The following LIPC variants were observed in gnomAD, a reference collection of about 807,000 sequenced individuals.
LIPC encodes the protein lipase C, hepatic type, also known as hepatic triacylglycerol lipase.
LIPC carries 44 observed loss-of-function variants against 50.7 expected under a neutral mutation model. That is an observed-to-expected ratio of 0.87 (90% CI 0.68 to 1.11). The LOEUF is 1.11. LIPC is among the 50% of genes most tolerant of loss of function. The pLI, the probability that LIPC is intolerant of heterozygous loss-of-function variation, is 0.00. For missense variants in LIPC, 697 were observed against 648.2 expected (o/e 1.08, Z -0.82); for synonymous variants, 271 against 256.4 (o/e 1.06, Z -0.54).
intron 6 of LIPC, among the ~76,000 whole-genome samples, chr15:58,552,651 G>A (rs866589210): frequency 6.6e-6 from 1 of 152,348 alleles, no homozygotes; most frequent in Middle Eastern, 3.4e-3. Context: ...TGGTCGGCGA[G>A]ATGACGAGCC....
chr15:58,548,655 C>A, intron 6 of LIPC, 83 bp downstream of exon 6: 2 of 1,509,650 alleles, frequency 1.3e-6, no homozygotes, highest in Non-Finnish European at 1.8e-6. Context: ...TGGCTTCTTT[C>A]CTGGAGGTGC....
chr15:58,525,883 C>G (rs1295214860), intron 1 of LIPC, among the ~76,000 whole-genome samples: 1 of 152,222 alleles, frequency 6.6e-6, no homozygotes, highest in Admixed American at 6.5e-5. Flanking sequence ...CTTCTACTAC[C>G]ACCAATGCCA....
chr15:58,511,763 G>T (rs186891910), intron 1 of LIPC, among the ~76,000 whole-genome samples: 4 of 152,174 alleles, frequency 2.6e-5, no homozygotes, highest in East Asian at 3.9e-4. Flanking sequence ...TCACAGTGTG[G>T]TTTACATTTG....
chr15:58,441,488 G>A (rs1893506779), intron 1 of LIPC, among the ~76,000 whole-genome samples: 1 of 152,146 alleles, frequency 6.6e-6, no homozygotes, highest in Non-Finnish European at 1.5e-5. Flanking sequence ...AAAGAATATT[G>A]GGTAGGAATT....
chr15:58,538,580 GTGTTCA>G, intron 2 of LIPC, 63 bp downstream of exon 2: 1 of 1,502,226 alleles, frequency 6.7e-7, no homozygotes, highest in Non-Finnish European at 9.3e-7. Context: ...TCTTTCTAGC[GTGTTCA>G]TGTTCATAAA....
At chr15:58,562,755 A>G (rs1399893571) in intron 7 of LIPC, among the ~76,000 whole-genome samples, 1 of 151,868 alleles carries the variant, frequency 6.6e-6, no homozygotes, top group African/African-American at 2.4e-5. Context: ...GGATTCCTAA[A>G]CAATTCTTCA....
chr15:58,464,950 G>C (rs1315396023), intron 1 of LIPC, among the ~76,000 whole-genome samples: 3 of 152,154 alleles, frequency 2.0e-5, no homozygotes, highest in Non-Finnish European at 2.9e-5. Context: ...TCCAGCCTGG[G>C]CAACAGAGTG....
chr15:58,494,406 C>T (rs1891695694), intron 1 of LIPC, among the ~76,000 whole-genome samples: 1 of 152,130 alleles, frequency 6.6e-6, no homozygotes, highest in Non-Finnish European at 1.5e-5. Flanking sequence ...GAGGAGGTGC[C>T]CAGATTGCAG....
At chr15:58,515,968 C>T (rs541477169) in intron 1 of LIPC, among the ~76,000 whole-genome samples, 20 of 152,236 alleles carry the variant, frequency 1.3e-4, no homozygotes, top group African/African-American at 3.6e-4. Context: ...CTCATAAGCG[C>T]GAACACGGGG....
At chr15:58,539,492 T>C (rs1451432883) in intron 2 of LIPC, among the ~76,000 whole-genome samples, 1 of 152,144 alleles carries the variant, frequency 6.6e-6, no homozygotes, top group Admixed American at 6.5e-5. Context: ...TGAGAACTTG[T>C]CTCCAAGAGG....
intron 1 of LIPC, among the ~76,000 whole-genome samples, chr15:58,443,908 C>G (rs1310300560): frequency 6.6e-6 from 1 of 152,120 alleles, no homozygotes; most frequent in Non-Finnish European, 1.5e-5. Flanking sequence ...TTGCAAAGAA[C>G]CTTCTTCAGG....
intron 1 of LIPC, among the ~76,000 whole-genome samples, chr15:58,482,078 G>A (rs1297638163): frequency 6.6e-6 from 1 of 152,160 alleles, no homozygotes; most frequent in East Asian, 1.9e-4. Flanking sequence ...TTTTTAGCAA[G>A]TGCATGCATT....
intron 6 of LIPC, among the ~76,000 whole-genome samples, chr15:58,559,269 A>T (rs868712542): frequency 5.9e-5 from 9 of 152,212 alleles, no homozygotes; most frequent in African/African-American, 2.2e-4. Flanking sequence ...GGTGATTTCC[A>T]TGTTGTTAGA....
rs544959249 is a variant in LIPC, at chr15:58,477,249, T to C, written c.88+45129T>C. Reference sequence around the variant, plus strand: ...TGCCTTGATTTTGTCTGCCAAGATATGTCTTTGGATGGGGTAAAGCACTTC... The same window carrying C: ...TGCCTTGATTTTGTCTGCCAAGATACGTCTTTGGATGGGGTAAAGCACTTC... On this transcript the variant is annotated intron_variant, in intron 1 of 8. Transcript: ENST00000299022. 1.2e-4 allele frequency among the ~76,000 whole-genome samples: 18 copies of C among 152,314 alleles called. No individual in the cohort carries two copies. In the South Asian group the frequency reaches 3.3e-3, roughly 28 times the overall value.
chr15:58,447,900 G>A (rs1307546266), intron 1 of LIPC, among the ~76,000 whole-genome samples: 2 of 152,170 alleles, frequency 1.3e-5, no homozygotes, highest in Non-Finnish European at 2.9e-5. Flanking sequence ...TAGCACTGGA[G>A]GAACAAGGAA....
chr15:58,558,659 G>A (rs1291571921), intron 6 of LIPC, among the ~76,000 whole-genome samples: 1 of 7,330 alleles, frequency 1.4e-4, no homozygotes, highest in African/African-American at 2.3e-4. Context: ...CTGATGATCT[G>A]AGGTGGAACA....
intron 1 of LIPC, among the ~76,000 whole-genome samples, chr15:58,502,394 C>T (rs181362952): frequency 2.6e-5 from 4 of 152,182 alleles, no homozygotes; most frequent in South Asian, 4.2e-4. Flanking sequence ...ACCTGGCACA[C>T]GCAGGTGCTA....
chr15:58,538,381 A>G lies in LIPC; in HGVS notation c.137A>G (p.His46Arg), dbSNP rs1276070198. ...GCTGTTGAAACAAACAAAACGCTGC[A>G]TGAGATGAAGACCAGATTCCTGCTC... is the stretch of plus-strand genomic sequence containing the variant. ...AQAVETNKTL[H>R]EMKTRFLLFG... Residue 46 changes from histidine (H) to arginine (R), a missense_variant, in exon 2 of 9, where the codon CAT becomes CGT. Coordinates refer to ENST00000299022, the MANE Select transcript of LIPC (RefSeq NM_000236.3). The G allele has an allele frequency of 9.3e-6, 15 of 1,614,088 alleles. No homozygotes were observed. In the African/African-American group the frequency reaches 1.6e-4, roughly 17 times the overall value.
chr15:58,454,624 G>C (rs1044952178), intron 1 of LIPC: 2 of 152,264 alleles, frequency 1.3e-5, no homozygotes, highest in Non-Finnish European at 2.9e-5. Context: ...CACAGTGCAT[G>C]GCAATTTTCT....
Sources: allele counts gnomAD v4.1 joint callset (sites outside exome capture counted in the v4.1 genomes callset), GRCh38; gene constraint gnomAD v4.1.1; transcripts MANE v1.5; gene names NCBI Gene and HGNC (gene_info 2026-07-23, HGNC 2026-07-21).